ZFAND3: variants seen among roughly 807,000 people sequenced by gnomAD.
ZFAND3 encodes the protein zinc finger AN1-type containing 3, also known as AN1-type zinc finger protein 3.
A neutral mutation model predicts 29.6 loss-of-function variants in ZFAND3; 10 were observed. That is an observed-to-expected ratio of 0.34 (90% CI 0.21 to 0.57). The LOEUF (loss-of-function observed/expected upper bound fraction) is 0.57, where lower values mean the gene tolerates loss of function less well. ZFAND3 is among the 20% of genes least tolerant of loss of function. The pLI is 0.86. For synonymous variants in ZFAND3, 128 were observed against 112.6 expected (o/e 1.14, Z -0.87); for missense variants, 230 against 304.5 (o/e 0.76, Z 1.82).
At chr6:38,145,796 A>G (rs1389598288) in intron 5 of ZFAND3, among the ~76,000 whole-genome samples, 1 of 152,092 alleles carries the variant, frequency 6.6e-6, no homozygotes, top group Non-Finnish European at 1.5e-5. Context: ...CTGCATCAGG[A>G]GGGCTGAGTC....
chr6:38,096,529 A>G (rs1764984048), intron 4 of ZFAND3, among the ~76,000 whole-genome samples: 1 of 152,182 alleles, frequency 6.6e-6, no homozygotes. Flanking sequence ...TGTATTAGGC[A>G]TCCCTTTTTT....
intron 2 of ZFAND3, among the ~76,000 whole-genome samples, chr6:38,018,225 A>G (rs902039009): frequency 6.6e-6 from 1 of 152,200 alleles, no homozygotes; most frequent in East Asian, 1.9e-4. Context: ...CTGATACTAC[A>G]CATTCCTTTA....
intron 2 of ZFAND3, among the ~76,000 whole-genome samples, chr6:37,980,782 T>TA (rs1762565877): frequency 1.3e-5 from 2 of 152,306 alleles, no homozygotes; most frequent in Non-Finnish European, 2.9e-5. Flanking sequence ...GCAGTGTTAT[T>TA]AAGTCATTTT....
intron 5 of ZFAND3, among the ~76,000 whole-genome samples, chr6:38,131,156 C>A (rs922291495): frequency 7.2e-5 from 11 of 152,012 alleles, no homozygotes; most frequent in African/African-American, 2.4e-4. Flanking sequence ...GTTGTAATCT[C>A]TTCCGTTTCA....
chr6:37,848,557 T>G (rs565006696), intron 1 of ZFAND3, among the ~76,000 whole-genome samples: 1 of 152,374 alleles, frequency 6.6e-6, no homozygotes, highest in South Asian at 2.1e-4. Context: ...TAAGTTACTC[T>G]TTGCTAACCT....
At chr6:37,932,182 T>A (rs542844493) in intron 2 of ZFAND3, among the ~76,000 whole-genome samples, 1 of 151,554 alleles carries the variant, frequency 6.6e-6, no homozygotes, top group African/African-American at 2.4e-5. Context: ...GGCGGGAGAA[T>A]CGCTTGAACC....
chr6:37,988,161 A>G (rs536167933), intron 2 of ZFAND3, among the ~76,000 whole-genome samples: 1 of 152,356 alleles, frequency 6.6e-6, no homozygotes, highest in South Asian at 2.1e-4. Context: ...CAAAGTTCCT[A>G]TAGTAACGTT....
chr6:37,870,472 C>T (rs931158313), intron 1 of ZFAND3, among the ~76,000 whole-genome samples: 2 of 151,388 alleles, frequency 1.3e-5, no homozygotes, highest in African/African-American at 4.9e-5. Context: ...CATGGTGGCA[C>T]GCGCCAATCC....
intron 2 of ZFAND3, among the ~76,000 whole-genome samples, chr6:37,942,556 A>G (rs1310956780): frequency 6.6e-6 from 1 of 152,128 alleles, no homozygotes; most frequent in South Asian, 2.1e-4. Context: ...CAAGTTTTCA[A>G]TTTAGTGGTG....
chr6:37,851,377 C>T (rs1423372908), intron 1 of ZFAND3, among the ~76,000 whole-genome samples: 1 of 152,034 alleles, frequency 6.6e-6, no homozygotes, highest in East Asian at 1.9e-4. Context: ...GAAAATAGAT[C>T]TGTTCATTTC....
At chr6:37,931,500 C>T (rs1416076930) in intron 2 of ZFAND3, among the ~76,000 whole-genome samples, 1 of 149,722 alleles carries the variant, frequency 6.7e-6, no homozygotes, top group Non-Finnish European at 1.5e-5. Flanking sequence ...GCTGAGATTG[C>T]GCCACTGCAC....
At chr6:37,866,086 G>A (rs953382908) in intron 1 of ZFAND3, among the ~76,000 whole-genome samples, 1 of 151,894 alleles carries the variant, frequency 6.6e-6, no homozygotes, top group Non-Finnish European at 1.5e-5. Flanking sequence ...CTCCTCCTCC[G>A]CCTCCCAAAC....
chr6:38,127,835 G>A (rs1294644412), intron 5 of ZFAND3, among the ~76,000 whole-genome samples: 1 of 152,152 alleles, frequency 6.6e-6, no homozygotes, highest in African/African-American at 2.4e-5. Flanking sequence ...TTTCTGTCCA[G>A]GGACCCCTCA....
chr6:37,929,533 G>GT (rs907470154), intron 1 of ZFAND3, among the ~76,000 whole-genome samples: 21 of 152,248 alleles, frequency 1.4e-4, no homozygotes, highest in South Asian at 6.2e-4. Flanking sequence ...TGAGGAGAAA[G>GT]TTTTACCCAT....
intron 1 of ZFAND3, among the ~76,000 whole-genome samples, chr6:37,873,324 A>G (rs941202637): frequency 2.6e-5 from 4 of 152,226 alleles, no homozygotes; most frequent in Admixed American, 2.6e-4. Context: ...ACAATTAATC[A>G]TTCTTTCTGT....
chr6:37,824,890 A>ATAGG (rs1427981973), intron 1 of ZFAND3, among the ~76,000 whole-genome samples: 1 of 152,246 alleles, frequency 6.6e-6, no homozygotes, highest in African/African-American at 2.4e-5. Flanking sequence ...AGAGATAAGG[A>ATAGG]TAGGGGTAAT....
At position 38,154,070 on chromosome 6, in the gene ZFAND3, C is replaced by T; in HGVS notation, c.*1681C>T. On this transcript the variant is annotated 3_prime_UTR_variant, in exon 6 of 6. Transcript: ENST00000287218. ...GCAAAATCCCCAGCCTTAATTCTTG[C>T]TTCAGGACCCAGACCGGTGTCTTGC... 1.0e-6 allele frequency: 1 copy of T among 985,550 alleles called. No homozygotes were observed. The highest frequency in any genetic ancestry group is 1.2e-6 in the Non-Finnish European group (1 of 829,982). 61.1% of individuals were successfully genotyped at this position (985,550 alleles called of 1,614,324 possible).
intron 1 of ZFAND3, among the ~76,000 whole-genome samples, chr6:37,834,397 C>T (rs540220343): frequency 8.3e-4 from 126 of 152,226 alleles, no homozygotes; most frequent in African/African-American, 2.8e-3. Context: ...ATCCACTTAC[C>T]TACTGGAAGA....
intron 2 of ZFAND3, among the ~76,000 whole-genome samples, chr6:37,963,986 C>T (rs1439004008): frequency 6.6e-6 from 1 of 152,158 alleles, no homozygotes; most frequent in Non-Finnish European, 1.5e-5. Context: ...CTGTTTTTGG[C>T]TTGGGCTAGT....
Sources: allele counts gnomAD v4.1 joint callset (sites outside exome capture counted in the v4.1 genomes callset), GRCh38; gene constraint gnomAD v4.1.1; transcripts MANE v1.5; gene names NCBI Gene and HGNC (gene_info 2026-07-23, HGNC 2026-07-21).